SLC15A5: variants seen among roughly 807,000 people sequenced by gnomAD.
The protein encoded by SLC15A5 is Peptide/histidine transporter ENSP00000340402.
SLC15A5 carries 58 observed loss-of-function variants against 56.1 expected under a neutral mutation model. That is an observed-to-expected ratio of 1.03 (90% CI 0.84 to 1.29). The LOEUF (loss-of-function observed/expected upper bound fraction) is 1.29. Ranked by LOEUF, SLC15A5 falls within the 50% of genes most tolerant of loss-of-function variation. The pLI is 0.00. For synonymous variants in SLC15A5, 264 were observed against 250.5 expected (o/e 1.05, Z -0.51); for missense variants, 681 against 672.1 (o/e 1.01, Z -0.15).
At chr12:16,194,696 G>A (rs1018430369) in intron 7 of SLC15A5, among the ~76,000 whole-genome samples, 6 of 152,024 alleles carry the variant, frequency 3.9e-5, no homozygotes, top group African/African-American at 1.4e-4. Flanking sequence ...ACAAATATAG[G>A]TGTCAGAAGA....
Position 16,269,715 on chromosome 12 carries a change from A to G in SLC15A5, c.584+2846T>C, listed in dbSNP as rs1864730976. Among the ~76,000 whole-genome samples, 1 of 152,172 alleles carries G rather than the reference A, an allele frequency of 6.6e-6. No homozygotes were observed. The highest frequency in any genetic ancestry group is 1.5e-5 in the Non-Finnish European group (1 of 68,028). On this transcript the variant is annotated intron_variant, in intron 2 of 8. Coordinates refer to ENST00000344941, the MANE Select transcript of SLC15A5 (RefSeq NM_001170798.1). The surrounding 1 kb of genome is among the most constrained non-coding windows in gnomAD (Gnocchi z 4.7). ...GACTTTCTTCAAGAACTTTACCAAT[A>G]TTCTATTTGGGCTTTTAATCATGTA...
At chr12:16,207,886 C>A (rs1376621746) in intron 7 of SLC15A5, among the ~76,000 whole-genome samples, 1 of 152,140 alleles carries the variant, frequency 6.6e-6, no homozygotes, top group African/African-American at 2.4e-5. Flanking sequence ...CTCCTGACCT[C>A]AGGTGATCTG....
chr12:16,253,824 T>C (rs1864542792), intron 3 of SLC15A5, among the ~76,000 whole-genome samples: 1 of 152,128 alleles, frequency 6.6e-6, no homozygotes, highest in African/African-American at 2.4e-5. Context: ...CCTTGTGCAC[T>C]GTTGGTGGAA....
chr12:16,227,547 A>G (rs1388222506), intron 5 of SLC15A5, among the ~76,000 whole-genome samples: 1 of 152,188 alleles, frequency 6.6e-6, no homozygotes, highest in Non-Finnish European at 1.5e-5. Flanking sequence ...TTTCAGTACG[A>G]AAAGGTGAAA....
At chr12:16,228,364 G>A (rs1254113544) in intron 5 of SLC15A5, among the ~76,000 whole-genome samples, 3 of 152,090 alleles carry the variant, frequency 2.0e-5, no homozygotes. Flanking sequence ...TGAAAGCAAG[G>A]TCAGAAAGAT....
At chr12:16,256,460 A>G (rs1864573014) in intron 3 of SLC15A5, among the ~76,000 whole-genome samples, 1 of 152,230 alleles carries the variant, frequency 6.6e-6, no homozygotes, top group Non-Finnish European at 1.5e-5. Context: ...TAGGTCTGTT[A>G]GAAAATTTAC....
At chr12:16,240,854 C>G (rs1005267573) in intron 4 of SLC15A5, among the ~76,000 whole-genome samples, 1 of 151,982 alleles carries the variant, frequency 6.6e-6, no homozygotes, top group African/African-American at 2.4e-5. Context: ...GCTCTGTCAC[C>G]CAGGCTGGAG....
At chr12:16,262,965 A>C (rs1864657824) in intron 2 of SLC15A5, among the ~76,000 whole-genome samples, 1 of 152,190 alleles carries the variant, frequency 6.6e-6, no homozygotes, top group African/African-American at 2.4e-5. Flanking sequence ...TAAATTGCCC[A>C]GTCTCAGGTA....
intron 7 of SLC15A5, among the ~76,000 whole-genome samples, chr12:16,210,017 A>G (rs1004224291): frequency 1.3e-5 from 2 of 152,144 alleles, no homozygotes; most frequent in African/African-American, 2.4e-5. Context: ...TTTTGCCCCT[A>G]TCTAACTCTC....
chr12:16,250,912 A>G (rs1277489163), intron 3 of SLC15A5, among the ~76,000 whole-genome samples: 1 of 151,984 alleles, frequency 6.6e-6, no homozygotes, highest in African/African-American at 2.4e-5. Flanking sequence ...GAAAGACAAA[A>G]CAAACACATG....
rs765651370 is a variant in SLC15A5 at position 16,189,832 on chromosome 12, G to A, written c.1593-17C>T. On this transcript the variant is annotated splice_polypyrimidine_tract_variant and intron_variant, in intron 8 of 8. Coordinates refer to ENST00000344941, the MANE Select transcript of SLC15A5 (RefSeq NM_001170798.1). The stretch of plus-strand genomic sequence containing the variant: ...TTACAATATCTAAAAAAGAAAGAAA[G>A]AAAGCTTTTCTTAGGACCAGATGTA... The A allele has an allele frequency of 4.0e-4, 587 of 1,458,986 alleles. No homozygotes were observed. The highest frequency in any genetic ancestry group is 4.9e-4 in the Non-Finnish European group (540 of 1,108,096). 90.4% of individuals were successfully genotyped at this position (1,458,986 alleles called of 1,614,324 possible). A position where few individuals can be genotyped will look rare whatever the true frequency, so the allele number is the denominator to read the frequency against.
chr12:16,223,354 G>T (rs1210293229), intron 6 of SLC15A5, among the ~76,000 whole-genome samples: 1 of 152,140 alleles, frequency 6.6e-6, no homozygotes, highest in African/African-American at 2.4e-5. Flanking sequence ...GGGAGCTTGA[G>T]TTACAATCAG....
At chr12:16,197,085 T>TAA (rs200484038) in intron 7 of SLC15A5, among the ~76,000 whole-genome samples, 36 of 146,892 alleles carry the variant, frequency 2.5e-4, no homozygotes, top group African/African-American at 6.9e-4. Context: ...GGGATTATCT[T>TAA]AAAAAAAAAA....
At chr12:16,204,467 A>C (rs1863993899) in intron 7 of SLC15A5, among the ~76,000 whole-genome samples, 1 of 150,674 alleles carries the variant, frequency 6.6e-6, no homozygotes, top group South Asian at 2.1e-4. Flanking sequence ...AAAATAATAA[A>C]AATGTGAAAT....
chr12:16,260,058 C>A (rs1864628575), intron 2 of SLC15A5, among the ~76,000 whole-genome samples: 1 of 152,164 alleles, frequency 6.6e-6, no homozygotes, highest in Non-Finnish European at 1.5e-5. Flanking sequence ...CTCATGTCTG[C>A]TGAAACTATT....
At chr12:16,258,817 A>T (rs1051573942) in intron 2 of SLC15A5, among the ~76,000 whole-genome samples, 3 of 151,954 alleles carry the variant, frequency 2.0e-5, no homozygotes, top group African/African-American at 7.3e-5. Flanking sequence ...TCTCTGCAAA[A>T]TCATTTCACC....
intron 5 of SLC15A5, among the ~76,000 whole-genome samples, chr12:16,231,877 T>C (rs1208243044): frequency 6.6e-6 from 1 of 152,174 alleles, no homozygotes; most frequent in African/African-American, 2.4e-5. Context: ...GAAGAAATCT[T>C]CTCTCAATAA....
intron 5 of SLC15A5, among the ~76,000 whole-genome samples, chr12:16,227,805 T>C (rs1864257164): frequency 1.3e-5 from 2 of 152,278 alleles, no homozygotes; most frequent in South Asian, 4.1e-4. Flanking sequence ...GGATGATTAC[T>C]CTAAAGGTCA....
chr12:16,224,402 G>T lies in SLC15A5; in HGVS notation c.1351+12C>A. 6.5e-7 allele frequency: 1 copy of T among 1,536,424 alleles called. No homozygotes were observed. ...GTATGTTCTAACATTAGTTGAAAAG[G>T]TGTTTACTCACGGGCTGGGTTTACC... On this transcript the variant is annotated intron_variant, in intron 6 of 8. Transcript: ENST00000344941.
Sources: gnomAD v4.1 joint callset for allele counts (sites outside exome capture counted in the v4.1 genomes callset) on GRCh38, gnomAD v4.1.1 for gene constraint, Gnocchi (gnomAD v3.1) non-coding constraint, MANE v1.5 for transcripts, NCBI Gene and HGNC (gene_info 2026-07-23, HGNC 2026-07-21) for gene names.